The following SYTL3 variants were observed in gnomAD, a reference collection of about 807,000 sequenced individuals.
SYTL3 encodes the protein synaptotagmin-like protein 3.
SYTL3 carries 88 observed loss-of-function variants against 82.1 expected under a neutral mutation model. The observed-to-expected ratio is 1.07, with a 90% CI of 0.90 to 1.28. The LOEUF is 1.28. SYTL3 is among the 50% of genes most tolerant of loss of function. The probability of loss-of-function intolerance (pLI) is 0.00; values close to 1 mark genes in which losing one functional copy is unlikely to be tolerated. For synonymous variants in SYTL3, 311 were observed against 289.4 expected (o/e 1.07, Z -0.76); for missense variants, 831 against 757.6 (o/e 1.10, Z -1.14).
At chr6:158,652,358 C>G (rs1788118374) in intron 2 of SYTL3, among the ~76,000 whole-genome samples, 1 of 152,084 alleles carries the variant, frequency 6.6e-6, no homozygotes, top group Non-Finnish European at 1.5e-5. Context: ...ACACCATTCT[C>G]CTGCCTCAGC....
intron 5 of SYTL3, among the ~76,000 whole-genome samples, chr6:158,672,261 A>T (rs1349316166): frequency 6.6e-6 from 1 of 152,222 alleles, no homozygotes; most frequent in Non-Finnish European, 1.5e-5. Flanking sequence ...ACTGCACTCC[A>T]GCCTGGGCGA....
At chr6:158,750,996 A>T (rs1788315278) in intron 12 of SYTL3, among the ~76,000 whole-genome samples, 1 of 152,100 alleles carries the variant, frequency 6.6e-6, no homozygotes, top group African/African-American at 2.4e-5. Flanking sequence ...GGGTTTCACC[A>T]TGCTGGCCAG....
chr6:158,693,483 C>G (rs1780143337), intron 6 of SYTL3, among the ~76,000 whole-genome samples: 1 of 152,140 alleles, frequency 6.6e-6, no homozygotes, highest in East Asian at 1.9e-4. Flanking sequence ...TGCCTCCCTT[C>G]AAGCGATTCT....
At chr6:158,681,656 C>T (rs1777107304) in intron 5 of SYTL3, among the ~76,000 whole-genome samples, 1 of 152,012 alleles carries the variant, frequency 6.6e-6, no homozygotes, top group Non-Finnish European at 1.5e-5. Flanking sequence ...CCAGCCTGGG[C>T]CACCAGAAAA....
intron 11 of SYTL3, among the ~76,000 whole-genome samples, chr6:158,742,453 A>T (rs1382057983): frequency 6.6e-6 from 1 of 152,184 alleles, no homozygotes; most frequent in Non-Finnish European, 1.5e-5. Context: ...TCCTCCTAGT[A>T]AGGAAGTCTT....
intron 6 of SYTL3, among the ~76,000 whole-genome samples, chr6:158,706,799 ATTAAT>A (rs572681776): frequency 5.3e-4 from 81 of 152,364 alleles, no homozygotes; most frequent in African/African-American, 1.8e-3. Flanking sequence ...TTTTTAAAAG[ATTAAT>A]TTAATCTTCA....
chr6:158,724,039 A>G (rs990542697), intron 10 of SYTL3, among the ~76,000 whole-genome samples: 22 of 152,198 alleles, frequency 1.4e-4, no homozygotes, highest in African/African-American at 5.3e-4. Context: ...GGGTGATTGC[A>G]GCCTCACTGA....
upstream of SYTL3, among the ~76,000 whole-genome samples, chr6:158,646,338 T>A (rs971626445): frequency 6.6e-6 from 1 of 152,126 alleles, no homozygotes; most frequent in Non-Finnish European, 1.5e-5. Flanking sequence ...CCTATTTTTT[T>A]AATATGTCTT....
At chr6:158,710,531 A>G (rs1039650358) in intron 8 of SYTL3, among the ~76,000 whole-genome samples, 2 of 151,868 alleles carry the variant, frequency 1.3e-5, no homozygotes, top group Non-Finnish European at 2.9e-5. Context: ...AAAAAAATGC[A>G]TAACACAAAT....
rs775707259 is a variant in SYTL3 at position 158,763,429 on chromosome 6, C to T, written c.1643C>T (p.Ser548Leu). ...GTAACCCCAGCTCAGCTGAGGCAGTCAAGCTTGGAGTTAACTGTCTGGGAT... is the reference window on the plus strand; with the variant it reads ...GTAACCCCAGCTCAGCTGAGGCAGTTAAGCTTGGAGTTAACTGTCTGGGAT... ...SGVTPAQLRQ[S>L]SLELTVWDQA... The change falls in exon 17 of 18, where the codon TCA becomes TTA. Residue 548 changes from serine to leucine, a missense_variant. By Grantham distance (145) the Ser-to-Leu change is moderately radical. Transcript: ENST00000611299. The T allele has an allele frequency of 8.1e-6, 13 of 1,614,146 alleles. No homozygotes were observed. The highest frequency in any genetic ancestry group is 1.1e-5 in the South Asian group (1 of 91,076).
At chr6:158,690,097 C>T (rs549485644) in intron 6 of SYTL3, among the ~76,000 whole-genome samples, 86 of 152,358 alleles carry the variant, frequency 5.6e-4, no homozygotes, top group African/African-American at 1.9e-3. Context: ...CACCACTCTC[C>T]TTGTGCCCAG....
At chr6:158,723,944 G>T in intron 10 of SYTL3, among the ~76,000 whole-genome samples, 1 of 152,342 alleles carries the variant, frequency 6.6e-6, no homozygotes, top group Middle Eastern at 3.4e-3. Flanking sequence ...GGTCTAGGAC[G>T]TGCTTTCTGT....
intron 8 of SYTL3, among the ~76,000 whole-genome samples, 156 bp from the exon 9 acceptor site, chr6:158,713,644 C>T (rs1326492965): frequency 6.6e-6 from 1 of 152,152 alleles, no homozygotes; most frequent in Non-Finnish European, 1.5e-5. Context: ...GGCCTGCATG[C>T]ACACACCCAT....
At chr6:158,718,349 C>T in intron 10 of SYTL3, 138 bp downstream of exon 10, 1 of 1,036,322 alleles carries the variant, frequency 9.6e-7, no homozygotes, top group Non-Finnish European at 1.3e-6. Flanking sequence ...AACATAATTA[C>T]CAGTCAGTGC....
chr6:158,693,846 T>TTC (rs1780231724), intron 6 of SYTL3, among the ~76,000 whole-genome samples: 1 of 80,440 alleles, frequency 1.2e-5, no homozygotes, highest in African/African-American at 1.0e-4. Context: ...CAGCCTTTCT[T>TTC]TTTCTTTTCT....
At chr6:158,757,157 C>T in intron 13 of SYTL3, 54 bp from the exon 14 acceptor site, 1 of 1,548,964 alleles carries the variant, frequency 6.5e-7, no homozygotes, top group Non-Finnish European at 8.7e-7. Flanking sequence ...GATGGGGATC[C>T]TAGGAGTGCG....
intron 8 of SYTL3, 52 bp from the exon 9 acceptor site, chr6:158,713,748 A>T: frequency 7.2e-7 from 1 of 1,386,062 alleles, no homozygotes; most frequent in South Asian, 1.2e-5. Flanking sequence ...TGCTGAGGCA[A>T]ACACAAGTCA....
At chr6:158,664,326 C>T (rs1789750522) in intron 4 of SYTL3, among the ~76,000 whole-genome samples, 1 of 152,184 alleles carries the variant, frequency 6.6e-6, no homozygotes, top group Non-Finnish European at 1.5e-5. Flanking sequence ...GGGCGGATCA[C>T]CTGAGGTCAG....
chr6:158,677,134 T>C (rs1778130607), intron 5 of SYTL3, among the ~76,000 whole-genome samples: 1 of 152,170 alleles, frequency 6.6e-6, no homozygotes, highest in South Asian at 2.1e-4. Flanking sequence ...CTACTCACAA[T>C]AGCAAAGACT....
Sources: gnomAD v4.1 joint callset for allele counts (sites outside exome capture counted in the v4.1 genomes callset) on GRCh38, gnomAD v4.1.1 for gene constraint, MANE v1.5 for transcripts, NCBI Gene and HGNC (gene_info 2026-07-23, HGNC 2026-07-21) for gene names.